IL1RAPL2: variants seen among roughly 807,000 people sequenced by gnomAD.
IL1RAPL2 encodes the protein X-linked interleukin-1 receptor accessory protein-like 2.
Under a neutral mutation model 44.1 loss-of-function variants are expected in IL1RAPL2, and 3 were observed. The ratio of observed to expected loss-of-function variants is 0.07; its 90% CI spans 0.03 to 0.18. The LOEUF (loss-of-function observed/expected upper bound fraction) is 0.18. IL1RAPL2 is among the 10% of genes least tolerant of loss of function. IL1RAPL2 has a pLI of 1.00. For synonymous variants in IL1RAPL2, 181 were observed against 178.8 expected, an observed-to-expected ratio of 1.01 and a Z score of -0.10; for missense variants, 391 against 496.4, an observed-to-expected ratio of 0.79 and a Z score of 2.02.
At chrX:105,218,866 C>A in intron 3 of IL1RAPL2, 26 of 719,316 alleles carry the variant, frequency 3.6e-5, no homozygotes, top group Middle Eastern at 3.2e-4. Flanking sequence ...CAGCCTTCTT[C>A]CCCTACCACC....
At chrX:104,670,298 G>C (rs1343704653) in intron 2 of IL1RAPL2, among the ~76,000 whole-genome samples, 3 of 111,577 alleles carry the variant, frequency 2.7e-5, no homozygotes, top group Non-Finnish European at 5.6e-5. Context: ...TGACGTCCAA[G>C]AGTGGGAAGC....
intron 2 of IL1RAPL2, among the ~76,000 whole-genome samples, chrX:104,761,368 A>G (rs984018177): frequency 9.0e-6 from 1 of 110,808 alleles, no homozygotes; most frequent in Admixed American, 9.5e-5. Context: ...GAACAGCAGC[A>G]TGGGGGTAAC....
chrX:104,721,869 A>T (rs1488157401), intron 2 of IL1RAPL2, among the ~76,000 whole-genome samples: 1 of 111,618 alleles, frequency 9.0e-6, no homozygotes, highest in Non-Finnish European at 1.9e-5. Flanking sequence ...TAGGTTTGAA[A>T]TTCAGCCATG....
At chrX:105,183,896 A>G (rs1341014274) in intron 2 of IL1RAPL2, among the ~76,000 whole-genome samples, 1 of 111,335 alleles carries the variant, frequency 9.0e-6, no homozygotes, top group African/African-American at 3.3e-5. Flanking sequence ...TCAACATGGC[A>G]CCATGGCACA....
intron 2 of IL1RAPL2, among the ~76,000 whole-genome samples, chrX:104,790,144 T>G (rs1483253577): frequency 8.9e-6 from 1 of 111,899 alleles, no homozygotes; most frequent in Non-Finnish European, 1.9e-5. Flanking sequence ...ACAAAAAAAT[T>G]TTTGTTTAAA....
intron 5 of IL1RAPL2, among the ~76,000 whole-genome samples, chrX:105,270,093 A>G (rs1479545661): frequency 1.5e-4 from 17 of 111,789 alleles, no homozygotes; most frequent in African/African-American, 4.9e-4. Context: ...GAAGATGAAG[A>G]TCTCTAAATA....
At chrX:105,270,073 C>T (rs1308325687) in intron 5 of IL1RAPL2, among the ~76,000 whole-genome samples, 1 of 111,624 alleles carries the variant, frequency 9.0e-6, no homozygotes, top group Non-Finnish European at 1.9e-5. Context: ...TAAAGGGACC[C>T]AGATAGGATG....
At chrX:105,435,970 T>A (rs2035879469) in intron 5 of IL1RAPL2, among the ~76,000 whole-genome samples, 1 of 110,761 alleles carries the variant, frequency 9.0e-6, no homozygotes, top group African/African-American at 3.3e-5. Flanking sequence ...AATGGGTTGA[T>A]AGGTGCAGCA....
intron 2 of IL1RAPL2, among the ~76,000 whole-genome samples, chrX:105,047,364 G>C (rs1381984346): frequency 9.0e-6 from 1 of 111,456 alleles, no homozygotes; most frequent in Non-Finnish European, 1.9e-5. Context: ...ATTTTACTCT[G>C]TGTAAAATTG....
At chrX:104,862,268 T>A (rs1276524216) in intron 2 of IL1RAPL2, among the ~76,000 whole-genome samples, 3 of 110,942 alleles carry the variant, frequency 2.7e-5, no homozygotes, top group Non-Finnish European at 5.7e-5. Context: ...TTGCCTTAAA[T>A]AAGTCATTGG....
intron 6 of IL1RAPL2, among the ~76,000 whole-genome samples, chrX:105,663,810 TTGCC>T (rs1232082601): frequency 8.9e-6 from 1 of 111,892 alleles, no homozygotes; most frequent in Non-Finnish European, 1.9e-5. Context: ...GCAGCTGCAG[TTGCC>T]TGCCATTTCA....
intron 2 of IL1RAPL2, among the ~76,000 whole-genome samples, chrX:104,798,674 A>G (rs1932866780): frequency 9.0e-6 from 1 of 110,637 alleles, no homozygotes; most frequent in Non-Finnish European, 1.9e-5. Context: ...TCAAAAAAAA[A>G]TTTACAAGCT....
intron 2 of IL1RAPL2, among the ~76,000 whole-genome samples, chrX:105,149,795 C>T (rs2033210266): frequency 9.1e-6 from 1 of 110,270 alleles, no homozygotes; most frequent in Admixed American, 9.7e-5. Context: ...GATCATGCCA[C>T]TGCACTCCAG....
chrX:105,485,109 A>G (rs780295887), intron 6 of IL1RAPL2, among the ~76,000 whole-genome samples: 1 of 111,576 alleles, frequency 9.0e-6, no homozygotes, highest in Non-Finnish European at 1.9e-5. Flanking sequence ...CTTGGATTTC[A>G]TTCTAGTATT....
intron 6 of IL1RAPL2, among the ~76,000 whole-genome samples, chrX:105,519,609 C>G (rs1360752024): frequency 9.0e-6 from 1 of 111,108 alleles, no homozygotes; most frequent in African/African-American, 3.3e-5. Context: ...TTTTGGGAAT[C>G]TCCTGTAATG....
intron 2 of IL1RAPL2, among the ~76,000 whole-genome samples, chrX:104,967,566 G>C (rs1274923061): frequency 9.0e-6 from 1 of 110,857 alleles, no homozygotes; most frequent in Non-Finnish European, 1.9e-5. Flanking sequence ...TAACAAAACA[G>C]AAAAGACAAA....
intron 6 of IL1RAPL2, among the ~76,000 whole-genome samples, chrX:105,562,618 T>G (rs1176358535): frequency 1.8e-5 from 2 of 110,134 alleles, no homozygotes; most frequent in African/African-American, 6.6e-5. Context: ...GAATGCTAGG[T>G]AAGCAGGAGT....
Position 105,195,671 on chromosome X carries a change from G to C in IL1RAPL2, c.279G>C (p.Arg93Ser). 1 of 1,210,970 alleles carries C rather than the reference G, an allele frequency of 8.3e-7. No homozygotes were observed. Among genetic ancestry groups the C allele is most frequent in the Non-Finnish European group, 1.1e-6 (1 of 894,667 alleles). Residue 93 changes from arginine (R) to serine (S), a missense_variant, in exon 3 of 11, where the codon AGG (arginine) becomes AGC (serine). Physicochemically the swap from Arg to Ser is moderately radical, Grantham distance 110 (BLOSUM62 -1). Around this residue, in one of 2 missense-constraint regions of IL1RAPL2, gnomAD observed 159 missense variants for 251.7 expected, o/e 0.63. Transcript: ENST00000372582. The stretch of plus-strand genomic sequence containing the variant: ...AGCCCATCATCTTTTCAGAGGTCAG[G>C]ATGAGCAAAGAGGAAGATTCAATAT... ...LEEPIIFSEV[R>S]MSKEEDSIWF...
At chrX:104,743,806 T>C (rs1910558413) in intron 2 of IL1RAPL2, among the ~76,000 whole-genome samples, 1 of 111,427 alleles carries the variant, frequency 9.0e-6, no homozygotes, top group African/African-American at 3.3e-5. Flanking sequence ...TTGGATAACT[T>C]ACACTGAATC....
Sources: allele counts gnomAD v4.1 joint callset (sites outside exome capture counted in the v4.1 genomes callset), GRCh38; gene constraint gnomAD v4.1.1; regional missense constraint gnomAD v4.1.1; transcripts MANE v1.5; gene names NCBI Gene and HGNC (gene_info 2026-07-23, HGNC 2026-07-21).